PPIL4: variants seen among roughly 807,000 people sequenced by gnomAD.
The protein encoded by PPIL4 is peptidylprolyl isomerase like 4, also known as peptidyl-prolyl cis-trans isomerase-like 4.
In PPIL4, 50 loss-of-function variants were observed where a neutral mutation model predicts 69.1. The ratio of observed to expected loss-of-function variants is 0.72; its 90% CI spans 0.58 to 0.92. The LOEUF (loss-of-function observed/expected upper bound fraction) is 0.92, where lower values mean the gene tolerates loss of function less well. Among genes scored for constraint, PPIL4 ranks in the 40% least tolerant of loss-of-function variants. PPIL4 has a pLI of 0.00. For missense variants in PPIL4, 480 were observed against 587.9 expected (o/e 0.82, Z 1.90); for synonymous variants, 193 against 191.6 (o/e 1.01, Z -0.06).
chr6:149,541,844 A>T (rs930381040), intron 1 of PPIL4, among the ~76,000 whole-genome samples: 1 of 151,782 alleles, frequency 6.6e-6, no homozygotes, highest in Non-Finnish European at 1.5e-5. Flanking sequence ...ACCCTGTCTC[A>T]ACTAAAAATA....
intron 12 of PPIL4, among the ~76,000 whole-genome samples, chr6:149,506,328 C>T (rs1414277151): frequency 6.6e-6 from 1 of 152,006 alleles, no homozygotes; most frequent in Non-Finnish European, 1.5e-5. Flanking sequence ...CAAAATTAGC[C>T]AGGTGTGGGG....
At chr6:149,524,555 G>GT in intron 9 of PPIL4, among the ~76,000 whole-genome samples, 1 of 152,202 alleles carries the variant, frequency 6.6e-6, no homozygotes, top group East Asian at 1.9e-4. Flanking sequence ...CTCCACTTAA[G>GT]TAACAGGGAA....
Position 149,545,997 on chromosome 6 carries a change from A to G in PPIL4, c.9T>C (p.Val3=), listed in dbSNP as rs1289015246. 1 of 1,580,306 alleles carries G rather than the reference A, an allele frequency of 6.3e-7. No homozygotes were observed. The highest frequency in any genetic ancestry group is 8.6e-7 in the Non-Finnish European group (1 of 1,160,526). ...CGTCGCCTAAAGTGGTCTCCAGTAG[A>G]ACCGCCATGGCGCCCGCTCCTCCTC... MA[V]LLETTLGDVV... Residue 3 remains valine, a synonymous_variant, in exon 1 of 13, where the codon GTT becomes GTC. Transcript: ENST00000253329.
intron 1 of PPIL4, among the ~76,000 whole-genome samples, chr6:149,543,333 G>A (rs576926485): frequency 3.3e-5 from 5 of 152,204 alleles, no homozygotes; most frequent in South Asian, 4.1e-4. Flanking sequence ...ATAATCAGTC[G>A]AATCCAAACA....
intron 7 of PPIL4, among the ~76,000 whole-genome samples, chr6:149,528,733 T>C (rs1218921344): frequency 6.6e-6 from 1 of 152,168 alleles, no homozygotes; most frequent in Non-Finnish European, 1.5e-5. Flanking sequence ...AGCTAAACCA[T>C]TCAATCCAGC....
Position 149,525,126 on chromosome 6 carries a change from T to G in PPIL4, c.870+17A>C, listed in dbSNP as rs773988924. 1.2e-5 allele frequency: 15 copies of G among 1,303,490 alleles called. No homozygotes were observed. Among genetic ancestry groups the G allele is most frequent in the Non-Finnish European group, 1.6e-5 (15 of 927,564 alleles). 80.7% of individuals were successfully genotyped at this position (1,303,490 alleles called of 1,614,324 possible). A position where few individuals can be genotyped will look rare whatever the true frequency, so the allele number is the denominator to read the frequency against. ...AAAGCAAATAAATACCAAACTTATGTCTGTATTATGACATACCTTTTCAAA... is the reference window on the plus strand; with the variant it reads ...AAAGCAAATAAATACCAAACTTATGGCTGTATTATGACATACCTTTTCAAA... On this transcript the variant is annotated intron_variant, in intron 9 of 12. Transcript: ENST00000253329.
intron 5 of PPIL4, 53 bp from the exon 6 acceptor site, chr6:149,534,827 CT>C: frequency 9.1e-7 from 1 of 1,099,340 alleles, no homozygotes. Context: ...TTTCAGAATC[CT>C]ATTTTATTTT....
At chr6:149,543,128 C>T (rs988481294) in intron 1 of PPIL4, among the ~76,000 whole-genome samples, 1 of 152,162 alleles carries the variant, frequency 6.6e-6, no homozygotes, top group Non-Finnish European at 1.5e-5. Flanking sequence ...GGCCTTAACC[C>T]ACTGACCAAT....
At chr6:149,529,725 T>C (rs938859370) in intron 7 of PPIL4, among the ~76,000 whole-genome samples, 6 of 139,506 alleles carry the variant, frequency 4.3e-5, no homozygotes, top group Admixed American at 1.6e-4. Flanking sequence ...ATAATGCCAC[T>C]GTACTCTAGC....
intron 7 of PPIL4, among the ~76,000 whole-genome samples, chr6:149,531,553 T>C (rs1158819793): frequency 6.6e-6 from 1 of 150,824 alleles, no homozygotes; most frequent in Admixed American, 6.6e-5. Context: ...AAGGAAAATA[T>C]TCTACAAAAT....
At chr6:149,534,453 G>A (rs550431492) in intron 6 of PPIL4, among the ~76,000 whole-genome samples, 1 of 152,332 alleles carries the variant, frequency 6.6e-6, no homozygotes, top group East Asian at 1.9e-4. Flanking sequence ...TTCTAGAGCT[G>A]AGGTTGTCTC....
chr6:149,540,198 T>C (rs752515107), intron 4 of PPIL4, among the ~76,000 whole-genome samples: 4 of 152,106 alleles, frequency 2.6e-5, no homozygotes, highest in Non-Finnish European at 5.9e-5. Context: ...CATGTGTATA[T>C]AGTAGAAAAC....
At position 149,505,592 on chromosome 6, in the gene PPIL4, C is replaced by G. The variant is rs146098079; in HGVS notation, c.1340G>C (p.Arg447Pro). ...ATTACTATAATGGCCATCCCTCTCT[C>G]GAGATCGGCTACGACTTCGGTTCTG... ...RTQNRSRSRS[R>P]ERDGHYSNSH... Residue 447 changes from arginine (R) to proline (P), a missense_variant, in exon 13 of 13, where the codon CGA becomes CCA. Physicochemically the swap from Arg to Pro is moderately radical, Grantham distance 103. Coordinates refer to ENST00000253329, the MANE Select transcript of PPIL4 (RefSeq NM_139126.4). 6.2e-7 allele frequency: 1 copy of G among 1,614,130 alleles called. No individual in the cohort carries two copies. The highest frequency in any genetic ancestry group is 1.1e-5 in the South Asian group (1 of 91,084).
In PPIL4 at chr6:149,536,446, A is replaced by C. The variant is rs187594358; in HGVS notation, c.322-708T>G. The stretch of plus-strand genomic sequence containing the variant: ...AGTACCAAACAATAGCTGAGTTGTA[A>C]ATGCAAAGGAAAAGTTCTTAAAGAA... On this transcript the variant is annotated intron_variant, in intron 4 of 12. Transcript: ENST00000253329. 7.9e-4 allele frequency among the ~76,000 whole-genome samples: 120 copies of C among 152,346 alleles called. 1 individual carries two copies. Among genetic ancestry groups the C allele is most frequent in the Admixed American group, 7.6e-3 (117 of 15,304 alleles).
chr6:149,508,725 T>C (rs1159558650), intron 12 of PPIL4, among the ~76,000 whole-genome samples: 1 of 152,160 alleles, frequency 6.6e-6, no homozygotes, highest in Admixed American at 6.5e-5. Context: ...GCATTTCCTG[T>C]AACCCCAGTA....
At chr6:149,518,813 G>C (rs907667298) in intron 10 of PPIL4, among the ~76,000 whole-genome samples, 2 of 152,082 alleles carry the variant, frequency 1.3e-5, no homozygotes, top group Non-Finnish European at 2.9e-5. Context: ...GGAGGTCCTA[G>C]GTAAGACACC....
chr6:149,526,628 T>C, intron 8 of PPIL4, 24 bp downstream of exon 8: 1 of 1,583,696 alleles, frequency 6.3e-7, no homozygotes, highest in Non-Finnish European at 8.6e-7. Context: ...TCTAAATATC[T>C]CTTTCACTAA....
chr6:149,527,753 T>G (rs1326741076), intron 7 of PPIL4, among the ~76,000 whole-genome samples: 6 of 152,190 alleles, frequency 3.9e-5, no homozygotes, highest in Non-Finnish European at 7.3e-5. Context: ...TCTATCACAT[T>G]TAGATGGGGC....
At chr6:149,530,693 A>G (rs1466185886) in intron 7 of PPIL4, among the ~76,000 whole-genome samples, 1 of 151,852 alleles carries the variant, frequency 6.6e-6, no homozygotes, top group Non-Finnish European at 1.5e-5. Flanking sequence ...TCTTCCTTAC[A>G]GTAGAATGCA....
Sources: allele counts gnomAD v4.1 joint callset (sites outside exome capture counted in the v4.1 genomes callset), GRCh38; gene constraint gnomAD v4.1.1; transcripts MANE v1.5; gene names NCBI Gene and HGNC (gene_info 2026-07-23, HGNC 2026-07-21).